The following ROBO1 variants were observed in gnomAD, a reference collection of about 807,000 sequenced individuals.
The protein encoded by ROBO1 is roundabout guidance receptor 1.
In ROBO1, 149 loss-of-function variants were observed where a neutral mutation model predicts 195.9. The ratio of observed to expected loss-of-function variants is 0.76; its 90% CI spans 0.67 to 0.87. The LOEUF (loss-of-function observed/expected upper bound fraction) is 0.87. Ranked by LOEUF, ROBO1 falls within the 40% of genes least tolerant of loss-of-function variation. The pLI is 0.00. For synonymous variants in ROBO1, 816 were observed against 733.2 expected, an observed-to-expected ratio of 1.11 and a Z score of -1.82; for missense variants, 1,933 against 2,068.3, an observed-to-expected ratio of 0.93 and a Z score of 1.27.
At chr3:79,438,803 T>C (rs1392864085) in intron 2 of ROBO1, among the ~76,000 whole-genome samples, 1 of 152,034 alleles carries the variant, frequency 6.6e-6, no homozygotes, top group Non-Finnish European at 1.5e-5. Flanking sequence ...CATTTTTATT[T>C]TTTCTTTTCT....
intron 26 of ROBO1, among the ~76,000 whole-genome samples, chr3:78,620,232 G>A (rs1250917560): frequency 4.6e-5 from 7 of 151,926 alleles, no homozygotes; most frequent in East Asian, 2.0e-4. Context: ...GAAGAAAAAC[G>A]TTTTCAAGCT....
At chr3:78,830,667 C>T (rs2108737357) in intron 4 of ROBO1, among the ~76,000 whole-genome samples, 1 of 152,276 alleles carries the variant, frequency 6.6e-6, no homozygotes, top group South Asian at 2.1e-4. Flanking sequence ...AATTAAATGA[C>T]CTTCCACTGG....
At chr3:78,885,796 T>A (rs2036524562) in intron 4 of ROBO1, among the ~76,000 whole-genome samples, 1 of 151,042 alleles carries the variant, frequency 6.6e-6, no homozygotes, top group East Asian at 1.9e-4. Context: ...CTGTAAATCC[T>A]ACATGGACTA....
chr3:79,133,659 C>T (rs1206704878), intron 2 of ROBO1, among the ~76,000 whole-genome samples: 5 of 82,930 alleles, frequency 6.0e-5, no homozygotes, highest in Admixed American at 1.5e-4. Flanking sequence ...GTAATTTGAT[C>T]GTCTGAAGCC....
intron 4 of ROBO1, among the ~76,000 whole-genome samples, chr3:78,912,490 G>C (rs73116742): frequency 1.3e-5 from 2 of 151,996 alleles, no homozygotes; most frequent in Non-Finnish European, 2.9e-5. Flanking sequence ...CTTTAATTCT[G>C]GTCTGCATGC....
chr3:78,968,166 C>A (rs1470034303), intron 3 of ROBO1, among the ~76,000 whole-genome samples: 3 of 151,466 alleles, frequency 2.0e-5, no homozygotes, highest in Non-Finnish European at 4.4e-5. Flanking sequence ...AACCACTTTT[C>A]TATGTCAATT....
chr3:79,294,698 C>A (rs545187016), intron 2 of ROBO1, among the ~76,000 whole-genome samples: 3 of 152,050 alleles, frequency 2.0e-5, no homozygotes, highest in African/African-American at 7.2e-5. Flanking sequence ...GCAATCTATC[C>A]ATCTCACAAA....
intron 3 of ROBO1, among the ~76,000 whole-genome samples, chr3:79,054,050 T>C (rs570213751): frequency 6.6e-6 from 1 of 152,150 alleles, no homozygotes; most frequent in Non-Finnish European, 1.5e-5. Flanking sequence ...TGGCAAAAGC[T>C]GTTCTAACCC....
chr3:79,158,876 A>G (rs2080905007), intron 2 of ROBO1, among the ~76,000 whole-genome samples: 1 of 151,846 alleles, frequency 6.6e-6, no homozygotes, highest in Non-Finnish European at 1.5e-5. Flanking sequence ...GGTTGTGAAG[A>G]TTATACAGAA....
intron 2 of ROBO1, among the ~76,000 whole-genome samples, chr3:79,385,273 T>C (rs1255330784): frequency 6.6e-6 from 1 of 152,170 alleles, no homozygotes; most frequent in African/African-American, 2.4e-5. Flanking sequence ...AATCTTTCTG[T>C]ATATATCTAA....
intron 2 of ROBO1, among the ~76,000 whole-genome samples, chr3:79,337,162 A>G (rs747053822): frequency 6.6e-6 from 1 of 152,104 alleles, no homozygotes; most frequent in Non-Finnish European, 1.5e-5. Flanking sequence ...TGGACTATGG[A>G]CTTTTGAGTT....
chr3:79,450,794 T>C (rs1304776894), intron 2 of ROBO1, among the ~76,000 whole-genome samples: 1 of 151,928 alleles, frequency 6.6e-6, no homozygotes, highest in Non-Finnish European at 1.5e-5. Context: ...GAATTTCATT[T>C]TTTGACAACT....
intron 2 of ROBO1, among the ~76,000 whole-genome samples, chr3:79,556,258 T>C (rs112783377): frequency 3.9e-5 from 6 of 152,224 alleles, no homozygotes; most frequent in Middle Eastern, 3.4e-3. Flanking sequence ...CTTTGACAAA[T>C]AATAATGCCA....
At chr3:79,533,085 C>A (rs770761240) in intron 2 of ROBO1, 18 of 440,830 alleles carry the variant, frequency 4.1e-5, no homozygotes, top group South Asian at 2.9e-4. Flanking sequence ...CAGAATTTTT[C>A]TTGGTTCTTT....
At chr3:79,638,140 A>G (rs1945550906) in intron 1 of ROBO1, among the ~76,000 whole-genome samples, 1 of 152,200 alleles carries the variant, frequency 6.6e-6, no homozygotes, top group African/African-American at 2.4e-5. Context: ...AAGGGCAGCC[A>G]CTAAAGTTGG....
chr3:79,157,120 CTCTGTTTGTCTCTCTCTT>C (rs1440901550), intron 2 of ROBO1, among the ~76,000 whole-genome samples: 3 of 151,852 alleles, frequency 2.0e-5, no homozygotes. Flanking sequence ...GTCTCTCTCT[CTCTGTTTGTCTCTCTCTT>C]TGCTTATTTT....
At chr3:79,338,769 T>C (rs1407786691) in intron 2 of ROBO1, among the ~76,000 whole-genome samples, 1 of 152,198 alleles carries the variant, frequency 6.6e-6, no homozygotes, top group Admixed American at 6.5e-5. Flanking sequence ...ATTTCTTCTA[T>C]TATTGTGAAT....
rs1181800473 is a variant in ROBO1 at position 78,667,882 on chromosome 3, C to G, written c.1966+1G>C. ...ACAGGTTTAAGTAAATCAATATTTA[C>G]CTTGTGTTTTCACTGGATCTGATAT... On this transcript the variant is annotated splice_donor_variant, in intron 14 of 30. Coordinates refer to ENST00000464233, the MANE Select transcript of ROBO1 (RefSeq NM_002941.4). LOFTEE classifies it high-confidence loss of function. 6.2e-7 allele frequency: 1 copy of G among 1,612,714 alleles called. No homozygotes were observed.
At chr3:78,663,667 G>C (rs1384114794) in intron 14 of ROBO1, among the ~76,000 whole-genome samples, 2 of 152,168 alleles carry the variant, frequency 1.3e-5, no homozygotes, top group Non-Finnish European at 2.9e-5. Context: ...ATCAAAGGCA[G>C]CTAATCCTGA....
Sources: gnomAD v4.1 joint callset for allele counts (sites outside exome capture counted in the v4.1 genomes callset) on GRCh38, gnomAD v4.1.1 for gene constraint, MANE v1.5 for transcripts, NCBI Gene and HGNC (gene_info 2026-07-23, HGNC 2026-07-21) for gene names.